CCDC172: variants seen among roughly 807,000 people sequenced by gnomAD.
The protein encoded by CCDC172 is coiled-coil domain-containing protein 172.
In CCDC172, 30 loss-of-function variants were observed where a neutral mutation model predicts 38.0. The observed-to-expected ratio is 0.79, with a 90% confidence interval of 0.59 to 1.07. The LOEUF is 1.07. Ranked by LOEUF, CCDC172 falls within the 50% of genes least tolerant of loss-of-function variation. The pLI is 0.00. For synonymous variants in CCDC172, 78 were observed against 88.3 expected (o/e 0.88, Z 0.66); for missense variants, 297 against 290.1 (o/e 1.02, Z -0.17).
intron 7 of CCDC172, among the ~76,000 whole-genome samples, chr10:116,363,294 C>T (rs952531162): frequency 6.6e-6 from 1 of 152,130 alleles, no homozygotes; most frequent in African/African-American, 2.4e-5. Context: ...GCAGATTCCT[C>T]TGGTCTAGCC....
At chr10:116,362,248 C>A (rs924959951) in intron 7 of CCDC172, among the ~76,000 whole-genome samples, 2 of 152,190 alleles carry the variant, frequency 1.3e-5, no homozygotes, top group African/African-American at 4.8e-5. Flanking sequence ...CACACATGTA[C>A]ATAGGTATGT....
At chr10:116,337,444 C>T (rs566474905) in intron 3 of CCDC172, among the ~76,000 whole-genome samples, 47 of 152,212 alleles carry the variant, frequency 3.1e-4, no homozygotes, top group Admixed American at 7.9e-4. Context: ...GCCACTGTGC[C>T]TGGCCTATCA....
chr10:116,342,188 C>A lies in CCDC172; in HGVS notation c.435C>A (p.Asn145Lys). 2 of 1,526,026 alleles carry A rather than the reference C, an allele frequency of 1.3e-6. No homozygotes were observed. The highest frequency in any genetic ancestry group is 2.6e-5 in the South Asian group (2 of 76,284). 94.5% of individuals were successfully genotyped at this position (1,526,026 alleles called of 1,614,324 possible). A position where few individuals can be genotyped will look rare whatever the true frequency, so the allele number is the denominator to read the frequency against. ...TATCTGACTTAGAAAACCAAGCAAA[C>A]ATGTTGAAAAGTGGTATGAATAAAT... ...IEISDLENQA[N>K]MLKSEMKSME... is the part of the protein sequence containing the mutation. Residue 145 changes from asparagine (N) to lysine (K), a missense_variant, in exon 5 of 9, where the codon AAC (asparagine) becomes AAA (lysine). Physicochemically the swap from Asn to Lys is moderately conservative, Grantham distance 94. Coordinates refer to ENST00000333254, the MANE Select transcript of CCDC172 (RefSeq NM_198515.3).
chr10:116,375,830 C>T (rs1845238084), intron 7 of CCDC172, among the ~76,000 whole-genome samples: 2 of 152,122 alleles, frequency 1.3e-5, no homozygotes, highest in Non-Finnish European at 2.9e-5. Flanking sequence ...CAATGAAATA[C>T]CATCTCACAC....
intron 4 of CCDC172, among the ~76,000 whole-genome samples, chr10:116,341,060 T>C (rs181259529): frequency 6.7e-4 from 102 of 152,122 alleles, no homozygotes; most frequent in African/African-American, 2.3e-3. Context: ...ATATAGCAAT[T>C]ATTTTCAGTT....
intron 3 of CCDC172, among the ~76,000 whole-genome samples, chr10:116,329,337 G>T (rs1844628686): frequency 7.5e-6 from 1 of 132,640 alleles, no homozygotes; most frequent in African/African-American, 3.0e-5. Flanking sequence ...CTTTGTAATG[G>T]GCTGTTTTTT....
chr10:116,336,561 A>G (rs553664401), intron 3 of CCDC172, among the ~76,000 whole-genome samples: 1 of 152,228 alleles, frequency 6.6e-6, no homozygotes, highest in Admixed American at 6.5e-5. Context: ...TCTGCTATCA[A>G]TACAATATTC....
At chr10:116,339,887 A>G (rs1844772321) in intron 3 of CCDC172, among the ~76,000 whole-genome samples, 1 of 151,982 alleles carries the variant, frequency 6.6e-6, no homozygotes, top group Non-Finnish European at 1.5e-5. Flanking sequence ...TATAACTACC[A>G]TAAATCTTGC....
intron 7 of CCDC172, among the ~76,000 whole-genome samples, chr10:116,365,927 T>C (rs762104147): frequency 3.3e-5 from 5 of 152,110 alleles, no homozygotes; most frequent in Admixed American, 6.5e-5. Context: ...ATAGCCTAGG[T>C]GTCTGGTGTG....
chr10:116,355,883 C>T (rs1844989347), intron 5 of CCDC172, among the ~76,000 whole-genome samples: 1 of 151,924 alleles, frequency 6.6e-6, no homozygotes, highest in Non-Finnish European at 1.5e-5. Flanking sequence ...GTGAAATGTT[C>T]CAAAATTATA....
chr10:116,362,558 A>G (rs531650748), intron 7 of CCDC172, among the ~76,000 whole-genome samples: 1 of 152,320 alleles, frequency 6.6e-6, no homozygotes, highest in South Asian at 2.1e-4. Context: ...ATTGTTACCC[A>G]GGTTCCATTT....
At chr10:116,343,090 G>A (rs1304543362) in intron 5 of CCDC172, among the ~76,000 whole-genome samples, 1 of 152,104 alleles carries the variant, frequency 6.6e-6, no homozygotes, top group African/African-American at 2.4e-5. Flanking sequence ...TAAAGCAGTT[G>A]CCAAGTAGGG....
chr10:116,366,422 T>A (rs998476131), intron 7 of CCDC172, among the ~76,000 whole-genome samples: 13 of 152,224 alleles, frequency 8.5e-5, no homozygotes, highest in African/African-American at 3.1e-4. Flanking sequence ...AGCATGCATT[T>A]ATCATCTAAC....
At chr10:116,378,617 C>A in intron 8 of CCDC172, 107 bp downstream of exon 8, 1 of 786,998 alleles carries the variant, frequency 1.3e-6, no homozygotes, top group Non-Finnish European at 2.0e-6. Context: ...AATCCCTCTG[C>A]AAAAAACAGA....
chr10:116,345,577 T>C (rs1844855550), intron 5 of CCDC172, among the ~76,000 whole-genome samples: 1 of 152,208 alleles, frequency 6.6e-6, no homozygotes, highest in Admixed American at 6.5e-5. Context: ...TCCAATGTAC[T>C]GTTATCCAGA....
At chr10:116,344,373 T>C (rs1300586445) in intron 5 of CCDC172, among the ~76,000 whole-genome samples, 6 of 152,340 alleles carry the variant, frequency 3.9e-5, no homozygotes, top group East Asian at 1.9e-4. Context: ...CTGTACTCAA[T>C]GTTACTATAC....
At chr10:116,378,002 G>A (rs1045542385) in intron 7 of CCDC172, among the ~76,000 whole-genome samples, 69 of 152,016 alleles carry the variant, frequency 4.5e-4, no homozygotes, top group Non-Finnish European at 2.8e-4. Context: ...CCAACATGGC[G>A]AAACCCCATC....
intron 7 of CCDC172, among the ~76,000 whole-genome samples, chr10:116,360,431 A>C (rs1039728192): frequency 6.6e-6 from 1 of 152,208 alleles, no homozygotes; most frequent in African/African-American, 2.4e-5. Context: ...TTGAATTTTC[A>C]CTACGAAAAG....
Position 116,325,080 on chromosome 10 carries a change from G to C in CCDC172, c.69G>C (p.Leu23Phe). 1 of 1,613,952 alleles carries C rather than the reference G, an allele frequency of 6.2e-7. No homozygotes were observed. Among genetic ancestry groups the C allele is most frequent in the Non-Finnish European group, 8.5e-7 (1 of 1,180,002 alleles). ...TEHQAEESRRLMREVRSEITR... is the reference protein window; with the variant it reads ...TEHQAEESRRFMREVRSEITR... The stretch of plus-strand genomic sequence containing the variant: ...ATCAGGCGGAGGAGAGTCGCCGTTT[G>C]ATGCGAGAAGGTCGGGGTATTTCTG... The change falls in exon 2 of 9, where the codon TTG (leucine) becomes TTC (phenylalanine). Residue 23 changes from leucine to phenylalanine, a missense_variant. By Grantham distance (22) the Leu-to-Phe change is conservative. Transcript: ENST00000333254.
Sources: gnomAD v4.1 joint callset for allele counts (sites outside exome capture counted in the v4.1 genomes callset) on GRCh38, gnomAD v4.1.1 for gene constraint, MANE v1.5 for transcripts, NCBI Gene and HGNC (gene_info 2026-07-23, HGNC 2026-07-21) for gene names.